The following GCLC variants were observed in gnomAD, a reference collection of about 807,000 sequenced individuals.
GCLC encodes glutamate-cysteine ligase catalytic subunit.
GCLC carries 30 observed loss-of-function variants against 81.5 expected under a neutral mutation model. The observed-to-expected ratio is 0.37, with a 90% CI of 0.28 to 0.50. The LOEUF (loss-of-function observed/expected upper bound fraction) is 0.50, where lower values mean the gene tolerates loss of function less well. Among genes scored for constraint, GCLC ranks in the 20% least tolerant of loss-of-function variants. GCLC has a pLI of 0.96. For synonymous variants in GCLC, 262 were observed against 273.3 expected (o/e 0.96, Z 0.41); for missense variants, 556 against 777.4 (o/e 0.72, Z 3.39).
rs188546857 is a variant in GCLC, at chr6:53,540,197, A to G, written c.150+4299T>C. Reference sequence around the variant, plus strand: ...TTTAAAAAGTCCTGTTGGCAAAGAGATATTAGCACTCCAATGTTCATCGAA... The same window carrying G: ...TTTAAAAAGTCCTGTTGGCAAAGAGGTATTAGCACTCCAATGTTCATCGAA... On this transcript the variant is annotated intron_variant, in intron 1 of 15. Coordinates refer to ENST00000650454, the MANE Select transcript of GCLC (RefSeq NM_001498.4). Among the ~76,000 whole-genome samples, 308 of 152,270 alleles carry G rather than the reference A, an allele frequency of 2.0e-3. 1 individual carries two copies. The highest frequency in any genetic ancestry group is 1.9e-3 in the Non-Finnish European group (127 of 68,034).
chr6:53,544,390 G>T, intron 1 of GCLC, 106 bp downstream of exon 1: 1 of 1,230,438 alleles, frequency 8.1e-7, no homozygotes, highest in Non-Finnish European at 1.2e-6. Context: ...CCCGGGCGCA[G>T]TGGAGAACGC....
At chr6:53,499,731 A>C (rs540614937) in intron 15 of GCLC, among the ~76,000 whole-genome samples, 1 of 152,284 alleles carries the variant, frequency 6.6e-6, no homozygotes, top group Non-Finnish European at 1.5e-5. Context: ...AGCCCTATAA[A>C]AGGGCCCATG....
At chr6:53,539,800 A>C (rs76973075) in intron 1 of GCLC, among the ~76,000 whole-genome samples, 3,411 of 152,198 alleles carry the variant, frequency 0.022, 133 homozygotes, top group African/African-American at 0.078. Flanking sequence ...ACACACTTTT[A>C]TCTGCGCAGC....
At position 53,544,668 on chromosome 6, in the gene GCLC, T is replaced by TCCTCCC. The variant is rs2127633198; in HGVS notation, c.-24_-23insGGGAGG. 2.5e-6 allele frequency: 4 copies of TCCTCCC among 1,579,612 alleles called. No individual in the cohort carries two copies. The highest frequency in any genetic ancestry group is 3.4e-6 in the Non-Finnish European group (4 of 1,171,118). ...CATGGCCGCCCCCTCCTCCTCCTCC[T>TCCTCCC]CCTCCTCCGGGCTGACGGCGGTCGC... On this transcript the variant is annotated 5_prime_UTR_variant, in exon 1 of 16. Transcript: ENST00000650454.
chr6:53,540,947 G>A (rs928558319), intron 1 of GCLC, among the ~76,000 whole-genome samples: 3 of 152,224 alleles, frequency 2.0e-5, no homozygotes, highest in Non-Finnish European at 4.4e-5. Flanking sequence ...AGGCACACTG[G>A]CTCATGCCTG....
At chr6:53,530,084 G>C (rs1450235940) in intron 1 of GCLC, among the ~76,000 whole-genome samples, 1 of 152,210 alleles carries the variant, frequency 6.6e-6, no homozygotes, top group Non-Finnish European at 1.5e-5. Context: ...CAACCTAACA[G>C]AGAGAAAAAA....
chr6:53,541,139 T>G (rs1433390481), intron 1 of GCLC, among the ~76,000 whole-genome samples: 3 of 152,008 alleles, frequency 2.0e-5, no homozygotes, highest in African/African-American at 7.2e-5. Context: ...TCACTTGAAC[T>G]CTGGGAGGCG....
chr6:53,501,591 C>T (rs2127619078), intron 12 of GCLC, among the ~76,000 whole-genome samples: 1 of 152,324 alleles, frequency 6.6e-6, no homozygotes, highest in East Asian at 1.9e-4. Flanking sequence ...TGACATGGGA[C>T]AGATGGTACA....
intron 1 of GCLC, among the ~76,000 whole-genome samples, chr6:53,538,136 CTTTTTTTTTTTTTT>C (rs10588842): frequency 1.0e-4 from 8 of 78,902 alleles, no homozygotes; most frequent in South Asian, 5.1e-4. Context: ...TTTTTCTTTC[CTTTTTTTTTTTTTT>C]TTTTTTTTTT....
At chr6:53,522,253 G>C (rs558404704) in intron 2 of GCLC, among the ~76,000 whole-genome samples, 162 bp downstream of exon 2, 1 of 152,304 alleles carries the variant, frequency 6.6e-6, no homozygotes, top group East Asian at 1.9e-4. Context: ...AGGTTATTCA[G>C]CTATTGAGTA....
At chr6:53,514,417 C>T in intron 5 of GCLC, 22 bp downstream of exon 5, 3 of 1,603,646 alleles carry the variant, frequency 1.9e-6, no homozygotes, top group South Asian at 2.2e-5. Flanking sequence ...TCTCCCACCC[C>T]ACCACCTCTC....
At chr6:53,521,839 T>C (rs1763003039) in intron 2 of GCLC, among the ~76,000 whole-genome samples, 1 of 152,110 alleles carries the variant, frequency 6.6e-6, no homozygotes, top group East Asian at 1.9e-4. Flanking sequence ...CCAGGCGTGG[T>C]GGCGGGCGCC....
intron 6 of GCLC, 117 bp from the exon 7 acceptor site, chr6:53,509,367 A>C (rs1764689391): frequency 1.5e-5 from 11 of 726,248 alleles, no homozygotes; most frequent in Non-Finnish European, 2.5e-5. Context: ...CGCTTCATTA[A>C]TGGCAACATT....
intron 1 of GCLC, among the ~76,000 whole-genome samples, chr6:53,542,247 G>A (rs1763370458): frequency 6.6e-6 from 1 of 152,058 alleles, no homozygotes; most frequent in Non-Finnish European, 1.5e-5. Flanking sequence ...TGAAATGCTG[G>A]GTCCAATTTT....
At chr6:53,542,139 C>T (rs566672965) in intron 1 of GCLC, among the ~76,000 whole-genome samples, 1 of 152,292 alleles carries the variant, frequency 6.6e-6, no homozygotes, top group South Asian at 2.1e-4. Flanking sequence ...TTACGGGCCA[C>T]CACGCCCAGC....
chr6:53,519,786 G>GCTTC (rs1762955156), intron 3 of GCLC, among the ~76,000 whole-genome samples: 5 of 152,024 alleles, frequency 3.3e-5, no homozygotes, highest in Non-Finnish European at 4.4e-5. Context: ...CAGAATGAAG[G>GCTTC]TATCACAGAA....
At chr6:53,507,367 A>C in intron 9 of GCLC, 113 bp downstream of exon 9, 1 of 995,538 alleles carries the variant, frequency 1.0e-6, no homozygotes, top group South Asian at 1.3e-5. Flanking sequence ...AGAGAAGTTA[A>C]AGACTTTGCA....
At chr6:53,517,048 A>G (rs145485656) in intron 3 of GCLC, among the ~76,000 whole-genome samples, 2,115 of 149,062 alleles carry the variant, frequency 0.014, 25 homozygotes, top group Middle Eastern at 0.086. Context: ...TGGCTTGAGG[A>G]TCAAGACTAG....
intron 1 of GCLC, among the ~76,000 whole-genome samples, chr6:53,540,432 A>T (rs1328150295): frequency 6.6e-6 from 1 of 152,208 alleles, no homozygotes; most frequent in Non-Finnish European, 1.5e-5. Context: ...ATACTGCTTA[A>T]TTCTACTTAT....
Sources: gnomAD v4.1 joint callset for allele counts (sites outside exome capture counted in the v4.1 genomes callset) on GRCh38, gnomAD v4.1.1 for gene constraint, MANE v1.5 for transcripts, NCBI Gene and HGNC (gene_info 2026-07-23, HGNC 2026-07-21) for gene names.